RBM26: variants seen among roughly 807,000 people sequenced by gnomAD.
The protein encoded by RBM26 is RNA binding motif protein 26, also known as RNA-binding protein 26.
In RBM26, 30 loss-of-function variants were observed where a neutral mutation model predicts 123.6. That is an observed-to-expected ratio of 0.24 (90% CI 0.18 to 0.33). The LOEUF is 0.33. RBM26 is among the 10% of genes least tolerant of loss of function. The pLI, the probability that RBM26 is intolerant of heterozygous loss-of-function variation, is 1.00. For missense variants in RBM26, 947 were observed against 1,203.6 expected (o/e 0.79, Z 3.15); for synonymous variants, 400 against 404.4 (o/e 0.99, Z 0.13).
At chr13:79,356,938 G>C (rs1001055472) in intron 11 of RBM26, among the ~76,000 whole-genome samples, 2 of 152,106 alleles carry the variant, frequency 1.3e-5, no homozygotes, top group South Asian at 2.1e-4. Flanking sequence ...TTTATGACTA[G>C]ATATAGTGGT....
At chr13:79,323,692 T>G (rs2067986827) in intron 20 of RBM26, among the ~76,000 whole-genome samples, 1 of 151,626 alleles carries the variant, frequency 6.6e-6, no homozygotes, top group Non-Finnish European at 1.5e-5. Flanking sequence ...CTGACAAAAA[T>G]TTCTGATGAT....
At chr13:79,383,966 A>T (rs1477748435) in intron 1 of RBM26, among the ~76,000 whole-genome samples, 1 of 152,206 alleles carries the variant, frequency 6.6e-6, no homozygotes, top group Non-Finnish European at 1.5e-5. Flanking sequence ...TAAAAAGCCC[A>T]GGCCAAGGGA....
chr13:79,314,536 A>G (rs977342506), downstream of RBM26: 2 of 152,132 alleles, frequency 1.3e-5, no homozygotes, highest in African/African-American at 2.4e-5. Context: ...TCCCAGAAAT[A>G]TATCTTAAGA....
downstream of RBM26, chr13:79,314,914 G>C: frequency 5.7e-6 from 6 of 1,060,558 alleles, 1 homozygote; most frequent in Non-Finnish European, 7.7e-6. Flanking sequence ...TGATATTATT[G>C]TAACAGTCGT....
At chr13:79,345,180 T>C (rs2072108915) in intron 14 of RBM26, among the ~76,000 whole-genome samples, 1 of 152,080 alleles carries the variant, frequency 6.6e-6, no homozygotes, top group South Asian at 2.1e-4. Flanking sequence ...CTGGTTGCTG[T>C]CCCTCAATTT....
At chr13:79,359,197 C>A (rs2074375465) in intron 10 of RBM26, among the ~76,000 whole-genome samples, 1 of 152,158 alleles carries the variant, frequency 6.6e-6, no homozygotes, top group South Asian at 2.1e-4. Context: ...TAGCTCCTAC[C>A]TAGCAGGAAC....
chr13:79,369,368 A>T (rs2075650996), intron 5 of RBM26, among the ~76,000 whole-genome samples: 1 of 95,080 alleles, frequency 1.1e-5, no homozygotes, highest in African/African-American at 4.0e-5. Context: ...TCATCCATTT[A>T]AAGTTACTAC....
At chr13:79,353,268 A>G (rs1338106386) in intron 13 of RBM26, 44 bp from the exon 14 acceptor site, 4 of 1,147,354 alleles carry the variant, frequency 3.5e-6, no homozygotes, top group South Asian at 1.3e-5. Context: ...CCCCAAACAT[A>G]TAAAAGTCTG....
chr13:79,349,975 C>T (rs1421097668), intron 14 of RBM26, among the ~76,000 whole-genome samples: 4 of 152,122 alleles, frequency 2.6e-5, no homozygotes, highest in Non-Finnish European at 2.9e-5. Context: ...GGATTACAAG[C>T]GTGAGCCATG....
rs781390125 is a variant in RBM26 at position 79,358,421 on chromosome 13, A to G, written c.1542T>C (p.Asn514=). Residue 514 remains asparagine (N), a synonymous_variant, in exon 11 of 22, where the codon AAT becomes AAC. Transcript: ENST00000438737. ...TCTGAAAGCCTGGGCTGTTTGTTCTATTAAAATTTGGTCTGCAAACAAAAT... is the reference window on the plus strand; with the variant it reads ...TCTGAAAGCCTGGGCTGTTTGTTCTGTTAAAATTTGGTCTGCAAACAAAAT... The part of the protein sequence containing the change: ...KKTWFDKPNF[N]RTNSPGFQKK... The G allele has an allele frequency of 1.9e-6, 3 of 1,608,310 alleles. No individual in the cohort carries two copies. Among genetic ancestry groups the G allele is most frequent in the Admixed American group, 3.4e-5 (2 of 58,772 alleles).
rs1049787592 is a variant in RBM26 at position 79,337,422 on chromosome 13, T to C, written c.2533-120A>G. On this transcript the variant is annotated intron_variant, in intron 18 of 21. Coordinates refer to ENST00000438737, the MANE Select transcript of RBM26 (RefSeq NM_001366735.2). Reference sequence around the variant, plus strand: ...TTTGACAATGTATTCAAATGCCCTATAAAAGGATCACATAATTTAAATTGG... The same window carrying C: ...TTTGACAATGTATTCAAATGCCCTACAAAAGGATCACATAATTTAAATTGG... 6 of 1,134,232 alleles carry C rather than the reference T, an allele frequency of 5.3e-6. No individual in the cohort carries two copies. In the African/African-American group the frequency reaches 6.2e-5, roughly 12 times the overall value. The allele number at this position is 1,134,232 out of a possible 1,614,324, so 70.3% of individuals were successfully genotyped here.
intron 1 of RBM26, among the ~76,000 whole-genome samples, chr13:79,401,166 C>A (rs528476004): frequency 6.6e-6 from 1 of 152,164 alleles, no homozygotes; most frequent in East Asian, 1.9e-4. Flanking sequence ...TCCTATCAGA[C>A]ACGAACAAAA....
At chr13:79,338,625 C>T (rs2070861740) in intron 18 of RBM26, among the ~76,000 whole-genome samples, 1 of 151,998 alleles carries the variant, frequency 6.6e-6, no homozygotes, top group Non-Finnish European at 1.5e-5. Context: ...GAGTTTTATC[C>T]CAAGAGCCAT....
At chr13:79,362,240 T>C (rs921861059) in intron 9 of RBM26, among the ~76,000 whole-genome samples, 2 of 152,158 alleles carry the variant, frequency 1.3e-5, no homozygotes, top group Non-Finnish European at 2.9e-5. Context: ...TGCCCAATTA[T>C]CCAGGGCAGG....
At chr13:79,351,232 G>A (rs1208786904) in intron 14 of RBM26, among the ~76,000 whole-genome samples, 1 of 152,056 alleles carries the variant, frequency 6.6e-6, no homozygotes, top group Non-Finnish European at 1.5e-5. Flanking sequence ...CATTTTAGAT[G>A]TCTCTAGAAT....
At chr13:79,385,967 A>G (rs1348859358) in intron 1 of RBM26, among the ~76,000 whole-genome samples, 1 of 152,058 alleles carries the variant, frequency 6.6e-6, no homozygotes, top group East Asian at 1.9e-4. Context: ...TCTCTCCCCC[A>G]GCATCCGTAC....
intron 18 of RBM26, among the ~76,000 whole-genome samples, chr13:79,338,478 G>GA (rs937048027): frequency 6.6e-6 from 1 of 152,096 alleles, no homozygotes; most frequent in African/African-American, 2.4e-5. Context: ...GTTACGGCAT[G>GA]AAAAAAGGCA....
rs1054801211 is a variant in RBM26 at position 79,320,520 on chromosome 13, T to C, written c.*101A>G. The stretch of plus-strand genomic sequence containing the variant: ...ATTTGTGAAATCCATCTTCATCACA[T>C]TTTACCAAAAATTGTTTTTACAAAT... On this transcript the variant is annotated 3_prime_UTR_variant, in exon 22 of 22. Transcript: ENST00000438737. 7.9e-7 allele frequency: 1 copy of C among 1,272,812 alleles called. No homozygotes were observed. Among genetic ancestry groups the C allele is most frequent in the African/African-American group, 1.5e-5 (1 of 64,690 alleles). The allele number at this position is 1,272,812 out of a possible 1,614,324, so 78.8% of individuals were successfully genotyped here. A position where few individuals can be genotyped will look rare whatever the true frequency, so the allele number is the denominator to read the frequency against.
At position 79,406,017 on chromosome 13, in the gene RBM26, G is replaced by A; in HGVS notation, c.-243C>T. The A allele has an allele frequency of 3.5e-6, 1 of 289,138 alleles. No homozygotes were observed. The highest frequency in any genetic ancestry group is 6.2e-6 in the Non-Finnish European group (1 of 160,426). The allele number at this position is 289,138 out of a possible 1,614,324, so 17.9% of individuals were successfully genotyped here. On this transcript the variant is annotated 5_prime_UTR_variant, in exon 1 of 22. Transcript: ENST00000438737. ...CCCCAGCCCGGGCTGAAACAGCAACGGTTTGCCCGGGCCCTCCCCCTTCCC... is the reference window on the plus strand; with the variant it reads ...CCCCAGCCCGGGCTGAAACAGCAACAGTTTGCCCGGGCCCTCCCCCTTCCC...
Sources: allele counts gnomAD v4.1 joint callset (sites outside exome capture counted in the v4.1 genomes callset), GRCh38; gene constraint gnomAD v4.1.1; transcripts MANE v1.5; gene names NCBI Gene and HGNC (gene_info 2026-07-23, HGNC 2026-07-21).